Variants in RYR3 observed in about 807,000 individuals in gnomAD.
The protein encoded by RYR3 is ryanodine receptor 3.
In RYR3, 207 loss-of-function variants were observed where a neutral mutation model predicts 584.3. The observed-to-expected ratio is 0.35, with a 90% CI of 0.32 to 0.40. The LOEUF (loss-of-function observed/expected upper bound fraction) is 0.40. Among genes scored for constraint, RYR3 ranks in the 10% least tolerant of loss-of-function variants. The probability of loss-of-function intolerance (pLI) is 1.00; values close to 1 mark genes in which losing one functional copy is unlikely to be tolerated. For missense variants in RYR3, 5,616 were observed against 6,089.2 expected (o/e 0.92, Z 2.59); for synonymous variants, 2,416 against 2,248.5 (o/e 1.07, Z -2.11).
chr15:33,855,078 G>C (rs2079508412), intron 98 of RYR3, 166 bp downstream of exon 98: 2 of 569,354 alleles, frequency 3.5e-6, no homozygotes, highest in Non-Finnish European at 5.4e-6. Flanking sequence ...CAAAATTGTA[G>C]CCAATTAAAA....
intron 1 of RYR3, among the ~76,000 whole-genome samples, chr15:33,422,197 T>G (rs1386775715): frequency 6.6e-6 from 1 of 152,106 alleles, no homozygotes; most frequent in African/African-American, 2.4e-5. Flanking sequence ...TTTGATGGTT[T>G]TTTTGTTTTT....
intron 1 of RYR3, among the ~76,000 whole-genome samples, chr15:33,410,469 C>T (rs2256382): frequency 0.62 from 94,631 of 152,140 alleles, 29,803 homozygotes; most frequent in African/African-American, 0.71. Context: ...CACTAAAGGT[C>T]CATCCTCATT....
chr15:33,458,908 A>G (rs1162257193), intron 1 of RYR3, among the ~76,000 whole-genome samples: 1 of 152,216 alleles, frequency 6.6e-6, no homozygotes, highest in East Asian at 1.9e-4. Context: ...GATCTTTCCC[A>G]CCACTGTCTT....
At chr15:33,650,751 A>G (rs534466730) in intron 31 of RYR3, among the ~76,000 whole-genome samples, 1 of 152,292 alleles carries the variant, frequency 6.6e-6, no homozygotes, top group Non-Finnish European at 1.5e-5. Flanking sequence ...CTCTGTGAAC[A>G]CTGTATTTTC....
intron 1 of RYR3, among the ~76,000 whole-genome samples, chr15:33,374,386 G>A (rs1315676377): frequency 1.3e-5 from 2 of 151,180 alleles, no homozygotes; most frequent in South Asian, 2.1e-4. Context: ...GTGTGTGTGT[G>A]TGTGTGTGTG....
intron 96 of RYR3, among the ~76,000 whole-genome samples, chr15:33,853,921 C>T (rs2079368247): frequency 6.6e-6 from 1 of 152,090 alleles, no homozygotes; most frequent in South Asian, 2.1e-4. Flanking sequence ...GGGCTGGGCG[C>T]AGTGGCTCAT....
chr15:33,477,233 G>C (rs945293366), intron 2 of RYR3, among the ~76,000 whole-genome samples: 4 of 152,076 alleles, frequency 2.6e-5, no homozygotes, highest in African/African-American at 9.7e-5. Flanking sequence ...AGAGAAAATT[G>C]AGATGAATTC....
intron 31 of RYR3, among the ~76,000 whole-genome samples, chr15:33,652,225 G>C (rs1254641214): frequency 1.3e-5 from 2 of 152,146 alleles, no homozygotes; most frequent in Non-Finnish European, 2.9e-5. Context: ...AGGGAGCCCA[G>C]GCCGGCCATC....
At chr15:33,516,726 G>A (rs1235561815) in intron 3 of RYR3, among the ~76,000 whole-genome samples, 2 of 152,100 alleles carry the variant, frequency 1.3e-5, no homozygotes, top group Non-Finnish European at 2.9e-5. Context: ...GTGGGCTTCA[G>A]AGAAAGGGGA....
chr15:33,809,638 T>A (rs2076408024), intron 70 of RYR3, among the ~76,000 whole-genome samples: 1 of 150,516 alleles, frequency 6.6e-6, no homozygotes, highest in Non-Finnish European at 1.5e-5. Flanking sequence ...TTTAATGTTT[T>A]GTTGTTGTTG....
At chr15:33,503,608 T>A in intron 2 of RYR3, 23 bp from the exon 3 acceptor site, 1 of 1,421,670 alleles carries the variant, frequency 7.0e-7, no homozygotes, top group Middle Eastern at 1.8e-4. Context: ...GTAGGTATCC[T>A]CATTCTGATT....
chr15:33,383,684 G>A (rs1458117205), intron 1 of RYR3, among the ~76,000 whole-genome samples: 1 of 152,044 alleles, frequency 6.6e-6, no homozygotes, highest in Non-Finnish European at 1.5e-5. Flanking sequence ...TAGTATTTTT[G>A]GCCCATGCCC....
intron 1 of RYR3, among the ~76,000 whole-genome samples, chr15:33,394,768 A>G (rs2042203358): frequency 6.6e-6 from 1 of 152,224 alleles, no homozygotes; most frequent in African/African-American, 2.4e-5. Flanking sequence ...TGTTTTTCAC[A>G]AGTCAAGCTA....
At chr15:33,760,013 A>G (rs908029861) in intron 60 of RYR3, among the ~76,000 whole-genome samples, 12 of 152,374 alleles carry the variant, frequency 7.9e-5, no homozygotes, top group Non-Finnish European at 1.6e-4. Flanking sequence ...TTTTCAACCC[A>G]GAATTTCATA....
chr15:33,311,034 G>T lies in RYR3; in HGVS notation c.-12G>T, dbSNP rs1295967433. ...CGCCGGAGGCTGGGGCACCGCCGAC[G>T]CCTCGGGAGCCATGGCCGAAGGGGG... On this transcript the variant is annotated 5_prime_UTR_variant, in exon 1 of 104. Transcript: ENST00000634891. This position sits in a 1 kb window ranked among gnomAD's most constrained non-coding sequence, Gnocchi z 4.4. The T allele has an allele frequency of 1.9e-6, 3 of 1,575,984 alleles. No individual in the cohort carries two copies. The highest frequency in any genetic ancestry group is 1.4e-5 in the African/African-American group (1 of 72,248).
intron 3 of RYR3, among the ~76,000 whole-genome samples, chr15:33,527,281 T>A (rs2054471806): frequency 6.6e-6 from 1 of 151,976 alleles, no homozygotes; most frequent in African/African-American, 2.4e-5. Flanking sequence ...AAAAATAAAA[T>A]AAAATAAAAT....
intron 20 of RYR3, among the ~76,000 whole-genome samples, chr15:33,624,876 T>G (rs2060905057): frequency 6.6e-6 from 1 of 152,242 alleles, no homozygotes; most frequent in African/African-American, 2.4e-5. Context: ...ATAGCTCTTT[T>G]AGCCTAGAGA....
intron 2 of RYR3, among the ~76,000 whole-genome samples, chr15:33,497,155 C>A (rs1357691411): frequency 6.6e-5 from 10 of 152,132 alleles, no homozygotes; most frequent in Non-Finnish European, 1.3e-4. Context: ...CTCCTCTTCT[C>A]CCAGAGGAGC....
chr15:33,529,041 T>A (rs376317006), intron 3 of RYR3, among the ~76,000 whole-genome samples: 1 of 152,224 alleles, frequency 6.6e-6, no homozygotes, highest in East Asian at 1.9e-4. Flanking sequence ...ATAAGATCAA[T>A]TTTTGGTAGA....
Sources: gnomAD v4.1 joint callset for allele counts (sites outside exome capture counted in the v4.1 genomes callset) on GRCh38, gnomAD v4.1.1 for gene constraint, Gnocchi (gnomAD v3.1) non-coding constraint, MANE v1.5 for transcripts, NCBI Gene and HGNC (gene_info 2026-07-23, HGNC 2026-07-21) for gene names.